ZFR2: variants seen among roughly 807,000 people sequenced by gnomAD.
ZFR2 encodes the protein zinc finger RNA-binding protein 2.
In ZFR2, 104 loss-of-function variants were observed where a neutral mutation model predicts 105.7. That is an observed-to-expected ratio of 0.98 (90% CI 0.84 to 1.16). ZFR2 has a LOEUF of 1.16. ZFR2 is among the 50% of genes most tolerant of loss of function. The pLI is 0.00. For missense variants in ZFR2, 1,425 were observed against 1,355.5 expected (o/e 1.05, Z -0.80); for synonymous variants, 634 against 597.7 (o/e 1.06, Z -0.89).
Position 3,822,066 on chromosome 19 carries a change from C to T in ZFR2, c.1491+15G>A, listed in dbSNP as rs759436615. On this transcript the variant is annotated intron_variant, in intron 9 of 18. Transcript: ENST00000262961. ...CAGCCCGGACGGGTGTCGGAGCTCC[C>T]CCTGCTGGACGCACCCGGTACTGCA... The T allele has an allele frequency of 1.3e-6, 2 of 1,586,586 alleles. No individual in the cohort carries two copies. The highest frequency in any genetic ancestry group is 1.7e-6 in the Non-Finnish European group (2 of 1,168,040).
chr19:3,819,112 T>C lies in ZFR2; in HGVS notation c.1864A>G (p.Lys622Glu). Residue 622 changes from lysine (K) to glutamate (E), a missense_variant, in exon 12 of 19, where the codon AAG (lysine) becomes GAG (glutamate). Lys to Glu is a moderately conservative substitution (Grantham distance 56). Coordinates refer to ENST00000262961, the MANE Select transcript of ZFR2 (RefSeq NM_015174.2). The part of the protein sequence containing the change: ...RAVSHAERAL[K>E]LVSDTLAEED... ...TCGGCCAGTGTGTCGGACACCAGCTTGAGGGCCCGCTCTGCGTGGGACACG... is the reference window on the plus strand; with the variant it reads ...TCGGCCAGTGTGTCGGACACCAGCTCGAGGGCCCGCTCTGCGTGGGACACG... 1 of 1,612,104 alleles carries C rather than the reference T, an allele frequency of 6.2e-7. No individual in the cohort carries two copies. The highest frequency in any genetic ancestry group is 8.5e-7 in the Non-Finnish European group (1 of 1,179,730).
intron 1 of ZFR2, among the ~76,000 whole-genome samples, chr19:3,862,846 C>T (rs1291591445): frequency 6.6e-6 from 1 of 152,212 alleles, no homozygotes; most frequent in Non-Finnish European, 1.5e-5. Flanking sequence ...ACCGCAGCAA[C>T]ATGGGAGGGG....
intron 1 of ZFR2, 75 bp from the exon 2 acceptor site, chr19:3,835,058 A>G: frequency 6.6e-7 from 1 of 1,506,144 alleles, no homozygotes; most frequent in African/African-American, 1.4e-5. Flanking sequence ...GACGGTGTCA[A>G]TTCCAGCCAC....
rs115630535 is a variant in ZFR2, at chr19:3,863,824, G to A, written c.53+5141C>T. Among the ~76,000 whole-genome samples the A allele has an allele frequency of 5.7e-3, 864 of 152,204 alleles. 13 individuals are homozygous for A. The highest frequency in any genetic ancestry group is 0.02 in the African/African-American group (810 of 41,536). On this transcript the variant is annotated intron_variant, in intron 1 of 18. Coordinates refer to ENST00000262961, the MANE Select transcript of ZFR2 (RefSeq NM_015174.2). ...CACTGGCCTGGGCCCATTCCTAGCCGGGCCGACCACTGGGCCCCCACGTCA... is the reference window on the plus strand; with the variant it reads ...CACTGGCCTGGGCCCATTCCTAGCCAGGCCGACCACTGGGCCCCCACGTCA...
chr19:3,819,711 G>A (rs1441003310), intron 11 of ZFR2, among the ~76,000 whole-genome samples: 1 of 152,158 alleles, frequency 6.6e-6, no homozygotes, highest in African/African-American at 2.4e-5. Flanking sequence ...AGAGAGCCCG[G>A]CGTGGTGGCG....
chr19:3,819,326 GC>G, intron 11 of ZFR2, 91 bp from the exon 12 acceptor site: 1 of 1,182,364 alleles, frequency 8.5e-7, no homozygotes. Flanking sequence ...GGTGGCCGTG[GC>G]CAGCCAGGTT....
chr19:3,826,244 C>T (rs538639340), intron 6 of ZFR2, among the ~76,000 whole-genome samples: 2 of 152,228 alleles, frequency 1.3e-5, no homozygotes, highest in East Asian at 3.9e-4. Flanking sequence ...AGCAAGCTGT[C>T]CTGAGCCGAG....
Position 3,821,333 on chromosome 19 carries a change from C to T in ZFR2, c.1631+7G>A, listed in dbSNP as rs375579728. 2.6e-5 allele frequency: 41 copies of T among 1,580,576 alleles called. No homozygotes were observed. Among genetic ancestry groups the T allele is most frequent in the African/African-American group, 1.1e-4 (8 of 73,948 alleles). ...AGGCCCCCTTGCCAAGACCCGCAGC[C>T]GGGCACCTCCTCTCCGCGTGCCAGC... is the stretch of plus-strand genomic sequence containing the variant. On this transcript the variant is annotated splice_region_variant and intron_variant, in intron 10 of 18. Transcript: ENST00000262961.
chr19:3,820,588 C>T (rs1049512829), intron 10 of ZFR2, among the ~76,000 whole-genome samples: 6 of 152,128 alleles, frequency 3.9e-5, no homozygotes, highest in African/African-American at 1.2e-4. Flanking sequence ...CTGGACACAC[C>T]AGAGTCAGAT....
intron 12 of ZFR2, among the ~76,000 whole-genome samples, chr19:3,818,487 AAAC>A (rs1458478719): frequency 6.6e-5 from 10 of 152,134 alleles, no homozygotes; most frequent in Admixed American, 1.3e-4. Context: ...ACAAACAAAA[AAAC>A]AACAACAACA....
At chr19:3,866,084 C>T (rs916697918) in intron 1 of ZFR2, among the ~76,000 whole-genome samples, 3 of 152,074 alleles carry the variant, frequency 2.0e-5, no homozygotes, top group South Asian at 2.1e-4. Flanking sequence ...TCAAGCGATC[C>T]GCTTGCCTCG....
chr19:3,813,553 G>T lies in ZFR2; in HGVS notation c.2242+267C>A, dbSNP rs1406872186. Among the ~76,000 whole-genome samples, 4 of 152,026 alleles carry T rather than the reference G, an allele frequency of 2.6e-5. No individual in the cohort carries two copies. The highest frequency in any genetic ancestry group is 5.9e-5 in the Non-Finnish European group (4 of 68,030). ...CCAGCCCTGGGTAAGGGCAAGGGAG[G>T]TGACACGGTGTCGCTTGCCCGAGCA... On this transcript the variant is annotated intron_variant, in intron 14 of 18. Coordinates refer to ENST00000262961, the MANE Select transcript of ZFR2 (RefSeq NM_015174.2). This position sits in a 1 kb window ranked among gnomAD's most constrained non-coding sequence, Gnocchi z 4.4.
At chr19:3,851,532 A>G (rs1392771433) in intron 1 of ZFR2, among the ~76,000 whole-genome samples, 1 of 152,204 alleles carries the variant, frequency 6.6e-6, no homozygotes, top group Non-Finnish European at 1.5e-5. Context: ...GAAGTAGAGC[A>G]TGGGCTTTGT....
At chr19:3,832,010 GC>G in intron 3 of ZFR2, 132 bp from the exon 4 acceptor site, 1 of 712,660 alleles carries the variant, frequency 1.4e-6, no homozygotes, top group Non-Finnish European at 2.1e-6. Context: ...AGAGCCTTGG[GC>G]CAGGTGCTGG....
chr19:3,832,317 C>G (rs2038025913), intron 3 of ZFR2, among the ~76,000 whole-genome samples: 1 of 151,688 alleles, frequency 6.6e-6, no homozygotes. Flanking sequence ...TTTTTATTAT[C>G]ATTATTATTA....
chr19:3,868,839 G>A (rs1291143040), intron 1 of ZFR2, 126 bp downstream of exon 1: 7 of 814,326 alleles, frequency 8.6e-6, no homozygotes, highest in Non-Finnish European at 1.2e-5. Context: ...CCCTCAGGCC[G>A]GGGTTCCAGG....
chr19:3,839,651 A>G (rs954298586), intron 1 of ZFR2, among the ~76,000 whole-genome samples: 14 of 151,578 alleles, frequency 9.2e-5, no homozygotes, highest in East Asian at 1.9e-4. Flanking sequence ...AAAATATTTC[A>G]AACATAAAAC....
chr19:3,819,282 T>C (rs2037862856), intron 11 of ZFR2, 47 bp from the exon 12 acceptor site: 5 of 1,431,782 alleles, frequency 3.5e-6, no homozygotes, highest in Non-Finnish European at 4.5e-6. Context: ...TGGGGACCCT[T>C]GGGGAGTGCT....
At chr19:3,864,267 C>G (rs1222925204) in intron 1 of ZFR2, among the ~76,000 whole-genome samples, 5 of 152,038 alleles carry the variant, frequency 3.3e-5, no homozygotes, top group Non-Finnish European at 1.5e-5. Flanking sequence ...GTCCCAGCCA[C>G]TCCAGGAAGC....
Sources: allele counts gnomAD v4.1 joint callset (sites outside exome capture counted in the v4.1 genomes callset), GRCh38; gene constraint gnomAD v4.1.1; non-coding constraint Gnocchi (gnomAD v3.1); transcripts MANE v1.5; gene names NCBI Gene and HGNC (gene_info 2026-07-23, HGNC 2026-07-21).